ASIC2: variants seen among roughly 807,000 people sequenced by gnomAD.
The protein encoded by ASIC2 is acid-sensing ion channel 2.
In ASIC2, 25 loss-of-function variants were observed where a neutral mutation model predicts 57.3. That is an observed-to-expected ratio of 0.44 (90% CI 0.32 to 0.61). ASIC2 has a LOEUF of 0.61. Among genes scored for constraint, ASIC2 ranks in the 20% least tolerant of loss-of-function variants. The probability of loss-of-function intolerance (pLI) is 0.06; values close to 1 mark genes in which losing one functional copy is unlikely to be tolerated. For synonymous variants in ASIC2, 319 were observed against 307.5 expected (o/e 1.04, Z -0.39); for missense variants, 641 against 738.1 (o/e 0.87, Z 1.52).
chr17:34,089,257 TAC>T (rs1378921349), intron 1 of ASIC2, among the ~76,000 whole-genome samples: 1 of 152,226 alleles, frequency 6.6e-6, no homozygotes, highest in Non-Finnish European at 1.5e-5. Flanking sequence ...GGTGCTGAAA[TAC>T]AGTGTTAACA....
At chr17:34,034,745 G>C (rs1194698469) in intron 1 of ASIC2, among the ~76,000 whole-genome samples, 1 of 152,092 alleles carries the variant, frequency 6.6e-6, no homozygotes, top group Non-Finnish European at 1.5e-5. Flanking sequence ...CAAATCATGA[G>C]TGAACTCCCA....
At chr17:33,615,500 A>G (rs1299398328) in intron 1 of ASIC2, among the ~76,000 whole-genome samples, 1 of 152,236 alleles carries the variant, frequency 6.6e-6, no homozygotes, top group Non-Finnish European at 1.5e-5. Context: ...TAGACCTTCA[A>G]AAATGAAGAC....
intron 1 of ASIC2, among the ~76,000 whole-genome samples, chr17:34,000,221 T>G (rs1037422586): frequency 1.3e-5 from 2 of 151,834 alleles, no homozygotes; most frequent in Admixed American, 6.6e-5. Context: ...ATTTGAGAAT[T>G]TGATTATAAC....
At chr17:33,443,243 C>T (rs1444617847) in intron 1 of ASIC2, among the ~76,000 whole-genome samples, 1 of 152,118 alleles carries the variant, frequency 6.6e-6, no homozygotes, top group East Asian at 1.9e-4. Context: ...TTGTCCTTGA[C>T]ATCAGGGTAA....
Position 33,685,350 on chromosome 17 carries a change from A to G in ASIC2, c.555+470628T>C, listed in dbSNP as rs1908152314. 2.0e-5 allele frequency among the ~76,000 whole-genome samples: 3 copies of G among 152,258 alleles called. No individual in the cohort carries two copies. The South Asian group carries it at 6.2e-4, about 32-fold the overall frequency. ...CAGGCCACCTCGCGCTCCTCCATCC[A>G]TCACTGCTGCATGTGTGGCCCTCAA... On this transcript the variant is annotated intron_variant, in intron 1 of 9. Coordinates refer to the ASIC2 transcript ENST00000359872.
At chr17:34,038,663 T>G in intron 1 of ASIC2, 1 of 1,583,912 alleles carries the variant, frequency 6.3e-7, no homozygotes, top group Non-Finnish European at 8.7e-7. Context: ...CCTCTCCAGC[T>G]CTGCCTGGAT....
chr17:33,233,608 GC>G (rs989749283), intron 1 of ASIC2, among the ~76,000 whole-genome samples: 3 of 150,786 alleles, frequency 2.0e-5, no homozygotes, highest in Non-Finnish European at 2.9e-5. Context: ...CTCCACATCT[GC>G]CTTTCAACTG....
chr17:33,762,862 G>A (rs976808276), intron 1 of ASIC2, among the ~76,000 whole-genome samples: 5 of 152,194 alleles, frequency 3.3e-5, no homozygotes, highest in African/African-American at 1.2e-4. Flanking sequence ...GTGACTCCTG[G>A]AGAGGAACCT....
intron 1 of ASIC2, among the ~76,000 whole-genome samples, chr17:34,012,636 T>C (rs1246341576): frequency 2.0e-5 from 3 of 152,184 alleles, no homozygotes; most frequent in African/African-American, 7.2e-5. Flanking sequence ...ATTTTCAGTA[T>C]AACCCTCATG....
intron 1 of ASIC2, among the ~76,000 whole-genome samples, chr17:33,410,119 C>G (rs1483213726): frequency 2.0e-5 from 3 of 152,128 alleles, no homozygotes; most frequent in Admixed American, 6.5e-5. Context: ...ATGTTGTAGC[C>G]ACCTGAGACA....
intron 1 of ASIC2, among the ~76,000 whole-genome samples, chr17:33,166,622 G>T (rs1002737763): frequency 2.0e-5 from 3 of 152,128 alleles, no homozygotes; most frequent in African/African-American, 7.2e-5. Flanking sequence ...CCCTCCCCTA[G>T]GGCCTCAAAT....
intron 1 of ASIC2, among the ~76,000 whole-genome samples, chr17:33,674,727 G>C (rs528899011): frequency 2.0e-5 from 3 of 152,170 alleles, no homozygotes; most frequent in Admixed American, 2.0e-4. Context: ...CTCGTTCTGT[G>C]ATATCCAGGG....
intron 1 of ASIC2, among the ~76,000 whole-genome samples, chr17:33,155,560 CTTTCT>C (rs920026853): frequency 2.5e-5 from 3 of 118,914 alleles, no homozygotes; most frequent in African/African-American, 1.0e-4. Context: ...TTCTTTCTTT[CTTTCT>C]TTTTTTTTTT....
intron 1 of ASIC2, among the ~76,000 whole-genome samples, chr17:34,152,068 G>A (rs999855474): frequency 3.3e-5 from 5 of 151,868 alleles, no homozygotes; most frequent in African/African-American, 1.2e-4. Flanking sequence ...GACCCATTTG[G>A]CCTTGTGCAA....
intron 1 of ASIC2, among the ~76,000 whole-genome samples, chr17:33,123,501 C>G (rs568458449): frequency 6.6e-6 from 1 of 151,992 alleles, no homozygotes; most frequent in Non-Finnish European, 1.5e-5. Context: ...TTTTTTTAAA[C>G]AGTTGCTTGC....
intron 4 of ASIC2, among the ~76,000 whole-genome samples, chr17:33,028,010 A>G (rs972555065): frequency 1.3e-5 from 2 of 152,264 alleles, no homozygotes; most frequent in African/African-American, 4.8e-5. Context: ...GAACACTGGG[A>G]TGAACATTCC....
chr17:34,000,060 T>C (rs1246803091), intron 1 of ASIC2, among the ~76,000 whole-genome samples: 2 of 151,748 alleles, frequency 1.3e-5, no homozygotes, highest in African/African-American at 2.4e-5. Context: ...GTTGTTTTTT[T>C]TTTTTCTTTC....
chr17:33,183,427 C>A (rs1436861274), intron 1 of ASIC2, among the ~76,000 whole-genome samples: 1 of 152,052 alleles, frequency 6.6e-6, no homozygotes, highest in Non-Finnish European at 1.5e-5. Flanking sequence ...CATAAAAGAC[C>A]TTTAACATTA....
chr17:33,363,132 A>G (rs1050393817), intron 1 of ASIC2, among the ~76,000 whole-genome samples: 6 of 152,094 alleles, frequency 3.9e-5, no homozygotes, highest in Admixed American at 1.3e-4. Context: ...AAGTGTACCA[A>G]TAATGAGGGG....
Sources: allele counts gnomAD v4.1 joint callset (sites outside exome capture counted in the v4.1 genomes callset), GRCh38; gene constraint gnomAD v4.1.1; transcripts MANE v1.5; gene names NCBI Gene and HGNC (gene_info 2026-07-23, HGNC 2026-07-21).